Variants in SPTLC2 observed in about 807,000 individuals in gnomAD.
SPTLC2 encodes the protein serine palmitoyltransferase 2.
SPTLC2 carries 21 observed loss-of-function variants against 62.0 expected under a neutral mutation model. The ratio of observed to expected loss-of-function variants is 0.34; its 90% CI spans 0.24 to 0.49. The LOEUF (loss-of-function observed/expected upper bound fraction) is 0.49, where lower values mean the gene tolerates loss of function less well. Ranked by LOEUF, SPTLC2 falls within the 20% of genes least tolerant of loss-of-function variation. SPTLC2 has a pLI of 0.99. For missense variants in SPTLC2, 511 were observed against 713.0 expected, an observed-to-expected ratio of 0.72 and a Z score of 3.23; for synonymous variants, 261 against 261.8, an observed-to-expected ratio of 1.00 and a Z score of 0.03.
intron 2 of SPTLC2, among the ~76,000 whole-genome samples, chr14:77,588,996 CAAAAAAA>C (rs60536883): frequency 8.4e-4 from 63 of 74,584 alleles, no homozygotes; most frequent in African/African-American, 3.7e-3. Context: ...GACCTTGTCT[CAAAAAAA>C]AAAAAAAAAA....
chr14:77,545,423 T>C (rs1423141415), intron 9 of SPTLC2, among the ~76,000 whole-genome samples: 1 of 152,104 alleles, frequency 6.6e-6, no homozygotes, highest in East Asian at 1.9e-4. Context: ...TGCGCCACCA[T>C]GCCTGGCTAA....
At chr14:77,527,943 C>T (rs79704213) in intron 9 of SPTLC2, among the ~76,000 whole-genome samples, 3,510 of 152,304 alleles carry the variant, frequency 0.023, 128 homozygotes, top group African/African-American at 0.081. Context: ...CCAACAAAAA[C>T]ATGTTTGAGC....
rs752165275 is a variant in SPTLC2, at chr14:77,577,855, G to T, written c.483-940C>A. Among the ~76,000 whole-genome samples the T allele has an allele frequency of 4.7e-4, 72 of 152,172 alleles. 1 individual carries two copies. The highest frequency in any genetic ancestry group is 2.8e-4 in the Non-Finnish European group (19 of 68,024). ...GCAGAGCTTGCAGTAAGCCAAGATGGTGCCACTGCACTCCAGCCTGGGTGA... is the reference window on the plus strand; with the variant it reads ...GCAGAGCTTGCAGTAAGCCAAGATGTTGCCACTGCACTCCAGCCTGGGTGA... On this transcript the variant is annotated intron_variant, in intron 3 of 11. Coordinates refer to ENST00000216484, the MANE Select transcript of SPTLC2 (RefSeq NM_004863.4).
Position 77,518,112 on chromosome 14 carries a change from G to T in SPTLC2, c.1495C>A (p.Pro499Thr). The T allele has an allele frequency of 1.2e-6, 2 of 1,614,122 alleles. No individual in the cohort carries two copies. Among genetic ancestry groups the T allele is most frequent in the Non-Finnish European group, 1.7e-6 (2 of 1,180,030 alleles). ...RNIGVVVVGFPATPIIESRAR... is the reference protein window; with the variant it reads ...RNIGVVVVGFTATPIIESRAR... ...CTGGACTCAATAATTGGGGTGGCAG[G>T]AAATCCAACCACAACGACACCGATG... The change falls in exon 11 of 12, where the codon CCT (proline) becomes ACT (threonine). Residue 499 changes from proline (P) to threonine (T), a missense_variant. Coordinates refer to ENST00000216484, the MANE Select transcript of SPTLC2 (RefSeq NM_004863.4).
At chr14:77,573,444 C>A (rs1044196009) in intron 4 of SPTLC2, among the ~76,000 whole-genome samples, 1 of 151,798 alleles carries the variant, frequency 6.6e-6, no homozygotes, top group Admixed American at 6.6e-5. Flanking sequence ...ATCACATGTA[C>A]CCCACACAAA....
At chr14:77,528,875 G>A (rs565092976) in intron 9 of SPTLC2, among the ~76,000 whole-genome samples, 2 of 151,928 alleles carry the variant, frequency 1.3e-5, no homozygotes, top group South Asian at 2.1e-4. Flanking sequence ...CACTCTTGTC[G>A]CCCAGGCTGG....
intron 1 of SPTLC2, among the ~76,000 whole-genome samples, chr14:77,603,745 T>C (rs924966896): frequency 2.6e-5 from 4 of 152,246 alleles, no homozygotes; most frequent in Non-Finnish European, 5.9e-5. Context: ...CAAGCATATA[T>C]GGAGTGGAAC....
chr14:77,550,594 G>GGAAAGGAAAA (rs2079550624), intron 9 of SPTLC2, among the ~76,000 whole-genome samples: 2 of 151,212 alleles, frequency 1.3e-5, no homozygotes, highest in Non-Finnish European at 2.9e-5. Flanking sequence ...GAAAAGGAAA[G>GGAAAGGAAAA]GAAAAGAAAA....
intron 2 of SPTLC2, among the ~76,000 whole-genome samples, chr14:77,586,651 G>C (rs2079783246): frequency 6.6e-6 from 1 of 152,190 alleles, no homozygotes; most frequent in Non-Finnish European, 1.5e-5. Context: ...AGCCACAAAA[G>C]AGGGATGGTA....
chr14:77,512,152 G>T lies in SPTLC2; in HGVS notation c.*132C>A. The stretch of plus-strand genomic sequence containing the variant: ...CAAAATGTCATTTAGAGTGGAGGTG[G>T]CCACCTTCAGTAGCTGAGGCAATGT... On this transcript the variant is annotated 3_prime_UTR_variant, in exon 12 of 12. Transcript: ENST00000216484. The T allele has an allele frequency of 7.9e-7, 1 of 1,259,452 alleles. No individual in the cohort carries two copies. Among genetic ancestry groups the T allele is most frequent in the Non-Finnish European group, 1.1e-6 (1 of 870,866 alleles). The allele number at this position is 1,259,452 out of a possible 1,614,324, so 78.0% of individuals were successfully genotyped here.
Position 77,518,028 on chromosome 14 carries a change from G to A in SPTLC2, c.1569+10C>T, listed in dbSNP as rs1217960096. 1.2e-6 allele frequency: 2 copies of A among 1,614,044 alleles called. No homozygotes were observed. Among genetic ancestry groups the A allele is most frequent in the East Asian group, 4.5e-5 (2 of 44,894 alleles). ...GGCATATTTATATCAAGGTGAAAGT[G>A]CCTACTTACAGTATCAAGTATTTCT... On this transcript the variant is annotated intron_variant, in intron 11 of 11. Coordinates refer to ENST00000216484, the MANE Select transcript of SPTLC2 (RefSeq NM_004863.4).
chr14:77,591,395 A>C (rs1380898872), intron 2 of SPTLC2, among the ~76,000 whole-genome samples: 1 of 152,186 alleles, frequency 6.6e-6, no homozygotes, highest in Non-Finnish European at 1.5e-5. Flanking sequence ...AACATTACAA[A>C]ATTAAATTGT....
intron 6 of SPTLC2, among the ~76,000 whole-genome samples, chr14:77,561,126 C>T (rs944580918): frequency 6.6e-6 from 1 of 151,968 alleles, no homozygotes; most frequent in African/African-American, 2.4e-5. Context: ...AGAAATTTAT[C>T]CTAAGGCACT....
intron 10 of SPTLC2, among the ~76,000 whole-genome samples, chr14:77,519,541 A>AC (rs1412455602): frequency 4.6e-5 from 7 of 151,868 alleles, no homozygotes; most frequent in African/African-American, 1.7e-4. Context: ...ACATGGTTAG[A>AC]CCCCATCTCC....
At position 77,564,433 on chromosome 14, in the gene SPTLC2, ACACACACACACACACAC is replaced by A. The variant is rs2079633511; in HGVS notation, c.757-1961_757-1945del. 4.5e-5 allele frequency among the ~76,000 whole-genome samples: 6 copies of A among 132,096 alleles called. No individual in the cohort carries two copies. In the South Asian group the frequency reaches 1.3e-3, roughly 30 times the overall value. The allele number at this position is 132,096 out of a possible 152,430, so 86.7% of individuals were successfully genotyped here. On this transcript the variant is annotated intron_variant, in intron 5 of 11. Coordinates refer to ENST00000216484, the MANE Select transcript of SPTLC2 (RefSeq NM_004863.4). Reference sequence around the variant, plus strand: ...CACACACACACACACACACACACACACACACACACACACACACAGATGTGTGTGTATGCATGAGTTCG... The same window carrying A: ...CACACACACACACACACACACACACAAGATGTGTGTGTATGCATGAGTTCG...
chr14:77,558,427 A>G (rs763124024), intron 6 of SPTLC2, among the ~76,000 whole-genome samples: 12 of 152,216 alleles, frequency 7.9e-5, no homozygotes, highest in Non-Finnish European at 1.8e-4. Flanking sequence ...TGCTCTTTGC[A>G]GAAAACAATT....
intron 9 of SPTLC2, chr14:77,547,860 T>C (rs2079537049): frequency 2.0e-5 from 3 of 146,504 alleles, no homozygotes; most frequent in South Asian, 4.4e-4. Flanking sequence ...TGCCACTGCA[T>C]TGTCCTGGAA....
chr14:77,605,969 T>A (rs904131157), intron 1 of SPTLC2, among the ~76,000 whole-genome samples: 1 of 152,236 alleles, frequency 6.6e-6, no homozygotes, highest in Non-Finnish European at 1.5e-5. Flanking sequence ...TGTATCTGCC[T>A]AAGACTGCAA....
intron 5 of SPTLC2, among the ~76,000 whole-genome samples, chr14:77,568,429 T>G (rs1174237269): frequency 6.6e-6 from 1 of 152,242 alleles, no homozygotes; most frequent in African/African-American, 2.4e-5. Context: ...GTTTCATGAC[T>G]CTCAATTAGG....
Sources: gnomAD v4.1 joint callset for allele counts (sites outside exome capture counted in the v4.1 genomes callset) on GRCh38, gnomAD v4.1.1 for gene constraint, MANE v1.5 for transcripts, NCBI Gene and HGNC (gene_info 2026-07-23, HGNC 2026-07-21) for gene names.